Variants in PXDNL observed in about 807,000 individuals in gnomAD.
The protein encoded by PXDNL is peroxidasin like.
A neutral mutation model predicts 150.8 loss-of-function variants in PXDNL; 145 were observed. That is an observed-to-expected ratio of 0.96 (90% confidence interval 0.84 to 1.10). The LOEUF is 1.10. Among genes scored for constraint, PXDNL ranks in the 50% least tolerant of loss-of-function variants. The pLI is 0.00. For missense variants in PXDNL, 2,087 were observed against 1,873.9 expected (o/e 1.11, Z -2.10); for synonymous variants, 757 against 725.7 (o/e 1.04, Z -0.69).
At chr8:51,589,780 A>G (rs1813402006) in intron 3 of PXDNL, among the ~76,000 whole-genome samples, 1 of 152,200 alleles carries the variant, frequency 6.6e-6, no homozygotes, top group Non-Finnish European at 1.5e-5. Context: ...TAAAGATGGA[A>G]TTTATAATTA....
chr8:51,384,397 G>A (rs967822875), intron 17 of PXDNL, among the ~76,000 whole-genome samples: 1 of 151,870 alleles, frequency 6.6e-6, no homozygotes, highest in Non-Finnish European at 1.5e-5. Context: ...AAATCTTATG[G>A]TTAATTTGTC....
chr8:51,389,470 G>A (rs1459828108), intron 17 of PXDNL, among the ~76,000 whole-genome samples: 2 of 152,142 alleles, frequency 1.3e-5, no homozygotes, highest in African/African-American at 4.8e-5. Context: ...CATCCTTGCA[G>A]AGATGAGGCA....
chr8:51,741,822 T>C (rs1445386311), intron 1 of PXDNL, among the ~76,000 whole-genome samples: 1 of 152,170 alleles, frequency 6.6e-6, no homozygotes, highest in African/African-American at 2.4e-5. Context: ...TTCTGGAAAA[T>C]AATGTGGCAG....
At chr8:51,448,918 T>C in intron 11 of PXDNL, 84 bp downstream of exon 11, 1 of 748,962 alleles carries the variant, frequency 1.3e-6, no homozygotes. Flanking sequence ...ACACCTTCGA[T>C]AATTAATTTA....
chr8:51,604,786 T>C (rs1488524677), intron 2 of PXDNL, among the ~76,000 whole-genome samples: 1 of 152,218 alleles, frequency 6.6e-6, no homozygotes, highest in Non-Finnish European at 1.5e-5. Context: ...TACATCTCTA[T>C]ATACATCCAA....
intron 6 of PXDNL, among the ~76,000 whole-genome samples, chr8:51,483,216 T>C (rs1478243506): frequency 1.3e-5 from 2 of 152,128 alleles, no homozygotes; most frequent in Non-Finnish European, 1.5e-5. Flanking sequence ...TTTTGTTTTG[T>C]TTTGCTTAAT....
At chr8:51,611,139 T>C (rs1164750879) in intron 2 of PXDNL, among the ~76,000 whole-genome samples, 1 of 152,218 alleles carries the variant, frequency 6.6e-6, no homozygotes, top group Admixed American at 6.5e-5. Context: ...TGAGGCAGAT[T>C]GCTTGGCTTT....
intron 2 of PXDNL, among the ~76,000 whole-genome samples, chr8:51,599,519 G>A (rs1256046824): frequency 6.6e-6 from 1 of 150,760 alleles, no homozygotes; most frequent in African/African-American, 2.4e-5. Flanking sequence ...GTAAGGGTGA[G>A]GTTTTGAGAA....
At chr8:51,678,844 G>A (rs1217999059) in intron 1 of PXDNL, among the ~76,000 whole-genome samples, 3 of 152,044 alleles carry the variant, frequency 2.0e-5, no homozygotes, top group Non-Finnish European at 4.4e-5. Context: ...TTGTGCACAT[G>A]TACCCTAAAA....
At chr8:51,434,514 T>A (rs1288560258) in intron 12 of PXDNL, among the ~76,000 whole-genome samples, 1 of 152,234 alleles carries the variant, frequency 6.6e-6, no homozygotes, top group African/African-American at 2.4e-5. Flanking sequence ...TCTGCTGTAT[T>A]TACTGCTAAG....
intron 14 of PXDNL, among the ~76,000 whole-genome samples, chr8:51,417,025 T>C (rs1419714034): frequency 6.6e-6 from 1 of 152,206 alleles, no homozygotes; most frequent in Non-Finnish European, 1.5e-5. Flanking sequence ...ACTGCAAAAA[T>C]ATTTTTATAA....
chr8:51,806,300 T>A (rs2037674888), intron 1 of PXDNL, among the ~76,000 whole-genome samples: 1 of 152,186 alleles, frequency 6.6e-6, no homozygotes. Context: ...ACTAAGCATG[T>A]TGGCCATTTG....
intron 2 of PXDNL, among the ~76,000 whole-genome samples, chr8:51,616,294 T>C (rs990986920): frequency 6.6e-6 from 1 of 152,102 alleles, no homozygotes; most frequent in Non-Finnish European, 1.5e-5. Context: ...CAGCCACAGA[T>C]AGAAGGGAGG....
chr8:51,440,572 C>A (rs1439084771), intron 12 of PXDNL, among the ~76,000 whole-genome samples: 1 of 152,190 alleles, frequency 6.6e-6, no homozygotes, highest in Non-Finnish European at 1.5e-5. Flanking sequence ...CCACAACACT[C>A]TACATAGCTC....
intron 21 of PXDNL, among the ~76,000 whole-genome samples, chr8:51,330,940 C>T (rs938693298): frequency 6.6e-6 from 1 of 152,150 alleles, no homozygotes; most frequent in Non-Finnish European, 1.5e-5. Flanking sequence ...TTTCAGAATA[C>T]AATGGATAAG....
At chr8:51,415,111 C>T (rs530222572) in intron 14 of PXDNL, among the ~76,000 whole-genome samples, 1 of 152,104 alleles carries the variant, frequency 6.6e-6, no homozygotes, top group Non-Finnish European at 1.5e-5. Context: ...CACACATCCT[C>T]TCATCCAGTA....
chr8:51,435,846 T>C (rs960428247), intron 12 of PXDNL: 24 of 456,302 alleles, frequency 5.3e-5, no homozygotes, highest in African/African-American at 2.9e-4. Flanking sequence ...TATGCAGGAC[T>C]TGAGAATGTT....
At chr8:51,593,596 T>C (rs1813496019) in intron 2 of PXDNL, among the ~76,000 whole-genome samples, 1 of 152,170 alleles carries the variant, frequency 6.6e-6, no homozygotes, top group Non-Finnish European at 1.5e-5. Flanking sequence ...AACAGAAGTG[T>C]TTTGGCCACT....
intron 5 of PXDNL, among the ~76,000 whole-genome samples, chr8:51,485,764 C>G (rs960623260): frequency 6.6e-6 from 1 of 152,210 alleles, no homozygotes; most frequent in African/African-American, 2.4e-5. Context: ...CTATACCTAT[C>G]ACCATGGTCC....
Sources: gnomAD v4.1 joint callset for allele counts (sites outside exome capture counted in the v4.1 genomes callset) on GRCh38, gnomAD v4.1.1 for gene constraint, MANE v1.5 for transcripts, NCBI Gene and HGNC (gene_info 2026-07-23, HGNC 2026-07-21) for gene names.